NAV3: variants seen among roughly 807,000 people sequenced by gnomAD.
The protein encoded by NAV3 is neuron navigator 3.
A neutral mutation model predicts 244.7 loss-of-function variants in NAV3; 87 were observed. That is an observed-to-expected ratio of 0.36 (90% CI 0.30 to 0.42). The LOEUF (loss-of-function observed/expected upper bound fraction) is 0.42. Ranked by LOEUF, NAV3 falls within the 20% of genes least tolerant of loss-of-function variation. The pLI is 1.00. For missense variants in NAV3, 2,663 were observed against 2,893.3 expected (o/e 0.92, Z 1.83); for synonymous variants, 1,126 against 1,042.2 (o/e 1.08, Z -1.55).
At chr12:78,177,375 T>C in intron 27 of NAV3, 62 bp downstream of exon 27, 1 of 1,536,980 alleles carries the variant, frequency 6.5e-7, no homozygotes, top group Non-Finnish European at 8.8e-7. Flanking sequence ...GATGAAGGCC[T>C]TATTTATGTT....
intron 2 of NAV3, among the ~76,000 whole-genome samples, chr12:77,620,755 T>A (rs1565740220): frequency 6.6e-6 from 1 of 152,040 alleles, no homozygotes; most frequent in East Asian, 1.9e-4. Context: ...AGCCATTGTG[T>A]CTGGCTATTC....
chr12:78,006,307 G>T lies in NAV3; in HGVS notation c.881-112G>T, dbSNP rs1874206693. 5.1e-6 allele frequency: 5 copies of T among 976,726 alleles called. No individual in the cohort carries two copies. In the African/African-American group the frequency reaches 8.2e-5, roughly 16 times the overall value. The allele number at this position is 976,726 out of a possible 1,614,324, so 60.5% of individuals were successfully genotyped here. ...TGATTGATGCTGCAGTCTCTTTTCA[G>T]TTCAGAGGAGAGAGACTTCTATCCA... On this transcript the variant is annotated intron_variant, in intron 7 of 39. Transcript: ENST00000397909.
intron 2 of NAV3, among the ~76,000 whole-genome samples, chr12:77,612,212 A>G (rs544473582): frequency 6.6e-6 from 1 of 152,256 alleles, no homozygotes; most frequent in East Asian, 1.9e-4. Flanking sequence ...GTACTATGTG[A>G]CTTGCATGGA....
chr12:77,959,267 T>C (rs1232728841), intron 3 of NAV3, among the ~76,000 whole-genome samples: 3 of 152,126 alleles, frequency 2.0e-5, no homozygotes, highest in Admixed American at 2.0e-4. Context: ...AAATGTAAAT[T>C]GGGCTCTATG....
chr12:77,686,350 C>T (rs544870096), intron 2 of NAV3, among the ~76,000 whole-genome samples: 14 of 151,974 alleles, frequency 9.2e-5, no homozygotes, highest in African/African-American at 3.4e-4. Flanking sequence ...GCATCAGCCT[C>T]CCAGAATGCT....
chr12:78,006,272 A>G (rs1874201682), intron 7 of NAV3, 147 bp from the exon 8 acceptor site: 2 of 755,362 alleles, frequency 2.6e-6, no homozygotes, highest in Non-Finnish European at 4.1e-6. Context: ...AAAAAATCAC[A>G]TCAGAGAAGT....
At chr12:78,004,835 G>A (rs569173464) in intron 7 of NAV3, among the ~76,000 whole-genome samples, 1 of 152,298 alleles carries the variant, frequency 6.6e-6, no homozygotes, top group South Asian at 2.1e-4. Context: ...TATCTTATAT[G>A]TGTGTACTCG....
chr12:77,840,378 CA>C (rs1378398085), intron 1 of NAV3, among the ~76,000 whole-genome samples: 1 of 151,772 alleles, frequency 6.6e-6, no homozygotes, highest in Non-Finnish European at 1.5e-5. Flanking sequence ...AAGCTGACAA[CA>C]AAATAAAATA....
At chr12:77,797,419 TTTG>T (rs1555206024) in intron 2 of NAV3, among the ~76,000 whole-genome samples, 1 of 151,930 alleles carries the variant, frequency 6.6e-6, no homozygotes, top group Non-Finnish European at 1.5e-5. Context: ...TTAATAAAAG[TTTG>T]TTATTATAGA....
At chr12:77,645,719 A>C (rs745634526) in intron 2 of NAV3, among the ~76,000 whole-genome samples, 2 of 152,022 alleles carry the variant, frequency 1.3e-5, no homozygotes, top group South Asian at 4.1e-4. Flanking sequence ...TTTTGTGGTC[A>C]TATCAAGTAA....
intron 1 of NAV3, among the ~76,000 whole-genome samples, chr12:77,876,866 T>C (rs1374873877): frequency 2.6e-5 from 4 of 152,124 alleles, no homozygotes; most frequent in Non-Finnish European, 4.4e-5. Flanking sequence ...TAATGAAAAG[T>C]TATTTTTCCT....
chr12:78,190,412 C>T (rs1464197331), intron 34 of NAV3, among the ~76,000 whole-genome samples, 193 bp downstream of exon 34: 1 of 151,862 alleles, frequency 6.6e-6, no homozygotes, highest in Non-Finnish European at 1.5e-5. Context: ...TTTTCAGTAA[C>T]ATTCAGTTAT....
chr12:77,974,917 A>G (rs1253657408), intron 5 of NAV3, among the ~76,000 whole-genome samples: 1 of 152,210 alleles, frequency 6.6e-6, no homozygotes, highest in Non-Finnish European at 1.5e-5. Context: ...TGAAGATCAT[A>G]TCACATGTGT....
At chr12:77,879,711 A>G (rs1299998253) in intron 1 of NAV3, among the ~76,000 whole-genome samples, 2 of 149,312 alleles carry the variant, frequency 1.3e-5, no homozygotes, top group East Asian at 4.0e-4. Flanking sequence ...AAAAAAAAGG[A>G]AATTATTTCA....
intron 12 of NAV3, among the ~76,000 whole-genome samples, chr12:78,087,127 G>C (rs1297169039): frequency 2.6e-5 from 4 of 151,976 alleles, no homozygotes; most frequent in African/African-American, 9.7e-5. Context: ...TTCCATATGA[G>C]ATTTACAGAT....
In NAV3 at chr12:78,036,992, G is replaced by A. The variant is rs12300568; in HGVS notation, c.2024-13001G>A. The A allele has an allele frequency of 1.4e-3, 997 of 702,954 alleles. 8 individuals carry two copies. The African/African-American group carries it at 0.015, about 11-fold the overall frequency. The allele number at this position is 702,954 out of a possible 1,614,324, so 43.5% of individuals were successfully genotyped here. ...GTGATGGGGAGAGGAGACCCACGGT[G>A]CGCATTTCCAACTGGTTTGGAAATG... On this transcript the variant is annotated intron_variant, in intron 9 of 39. Transcript: ENST00000397909.
intron 24 of NAV3, among the ~76,000 whole-genome samples, chr12:78,173,743 TAAA>T (rs58966039): frequency 7.0e-6 from 1 of 143,574 alleles, no homozygotes; most frequent in Non-Finnish European, 1.5e-5. Flanking sequence ...CTAGGGATTA[TAAA>T]AAAAAAAAAG....
rs776955055 is a variant in NAV3, at chr12:78,007,223, C to T, written c.1685C>T (p.Ser562Phe). 20 of 1,614,188 alleles carry T rather than the reference C, an allele frequency of 1.2e-5. No homozygotes were observed. The highest frequency in any genetic ancestry group is 1.5e-5 in the Non-Finnish European group (18 of 1,180,018). Residue 562 changes from serine (S) to phenylalanine (F), a missense_variant, in exon 8 of 40, where the codon TCC becomes TTC. Coordinates refer to ENST00000397909, the MANE Select transcript of NAV3 (RefSeq NM_001024383.2). ...TTCAGGACTACCAAGGGGAGCCCTT[C>T]CCAGTCCTTATCTAAGCCTATAACC... ...EKFRTTKGSP[S>F]QSLSKPITME...
Position 77,948,815 on chromosome 12 carries a change from T to A in NAV3, c.414+7682T>A, listed in dbSNP as rs567712854. Among the ~76,000 whole-genome samples the A allele has an allele frequency of 1.8e-3, 266 of 151,814 alleles. 3 individuals carry two copies. The highest frequency in any genetic ancestry group is 6.2e-3 in the African/African-American group (257 of 41,500). On this transcript the variant is annotated intron_variant, in intron 3 of 39. Transcript: ENST00000397909. The stretch of plus-strand genomic sequence containing the variant: ...GATATTTGGCCATTTTCAATATGAA[T>A]TGTAATACTCCTATCTGAAAAAAAT...
Sources: gnomAD v4.1 joint callset for allele counts (sites outside exome capture counted in the v4.1 genomes callset) on GRCh38, gnomAD v4.1.1 for gene constraint, MANE v1.5 for transcripts, NCBI Gene and HGNC (gene_info 2026-07-23, HGNC 2026-07-21) for gene names.